The following NDUFAF2 variants were observed in gnomAD, a reference collection of about 807,000 sequenced individuals.
NDUFAF2 encodes NADH:ubiquinone oxidoreductase complex assembly factor 2.
In NDUFAF2, 13 loss-of-function variants were observed where a neutral mutation model predicts 22.8. The observed-to-expected ratio is 0.57, with a 90% CI of 0.37 to 0.91. The LOEUF (loss-of-function observed/expected upper bound fraction) is 0.91. Among genes scored for constraint, NDUFAF2 ranks in the 40% least tolerant of loss-of-function variants. The probability of loss-of-function intolerance (pLI) is 0.01; values close to 1 mark genes in which losing one functional copy is unlikely to be tolerated. For synonymous variants in NDUFAF2, 53 were observed against 64.2 expected (o/e 0.83, Z 0.84); for missense variants, 162 against 195.2 (o/e 0.83, Z 1.01).
At chr5:61,031,234 T>TATAC (rs1751722205) in intron 1 of NDUFAF2, among the ~76,000 whole-genome samples, 1 of 152,120 alleles carries the variant, frequency 6.6e-6, no homozygotes. Context: ...GTTACATAGG[T>TATAC]ATACACGTGC....
chr5:60,984,304 C>T (rs1260435822), intron 1 of NDUFAF2, among the ~76,000 whole-genome samples: 7 of 149,946 alleles, frequency 4.7e-5, no homozygotes, highest in South Asian at 2.1e-4. Context: ...TGAGCTGAGA[C>T]GATGGGGTTT....
intron 1 of NDUFAF2, among the ~76,000 whole-genome samples, chr5:61,013,147 A>G (rs1257297263): frequency 1.3e-5 from 2 of 152,122 alleles, no homozygotes; most frequent in Admixed American, 6.6e-5. Context: ...GCAAGCATTC[A>G]AAGAGAGAAG....
chr5:61,105,589 T>A lies in NDUFAF2; in HGVS notation c.258+6557T>A, dbSNP rs1460215057. ...AACTTAAGAATGAACTGGAGCTGTA[T>A]GTTTTAACATGGATAAATCTCAGAA... On this transcript the variant is annotated intron_variant, in intron 3 of 3. Transcript: ENST00000296597. 6.8e-5 allele frequency among the ~76,000 whole-genome samples: 10 copies of A among 146,974 alleles called. 1 individual carries two copies. The highest frequency in any genetic ancestry group is 2.6e-4 in the African/African-American group (10 of 38,804).
At chr5:61,091,967 C>T (rs1752574831) in intron 2 of NDUFAF2, among the ~76,000 whole-genome samples, 1 of 152,080 alleles carries the variant, frequency 6.6e-6, no homozygotes, top group African/African-American at 2.4e-5. Context: ...TTCCCCATTG[C>T]TTGTTTGTGT....
At chr5:60,966,192 T>C (rs1229841728) in intron 1 of NDUFAF2, among the ~76,000 whole-genome samples, 1 of 152,182 alleles carries the variant, frequency 6.6e-6, no homozygotes, top group Admixed American at 6.5e-5. Context: ...TCTTCTTAGA[T>C]CTTTTGCCCA....
At position 60,945,447 on chromosome 5, in the gene NDUFAF2, A is replaced by G. The variant is rs556685577; in HGVS notation, c.127+65A>G. The G allele has an allele frequency of 1.9e-6, 3 of 1,610,720 alleles. No individual in the cohort carries two copies. In the African/African-American group the frequency reaches 4.0e-5, roughly 21 times the overall value. ...TTGCGAGGTCAGTAAAGGAGGGAAA[A>G]GTGAGAGCCCCTAGTCAACTAACGC... On this transcript the variant is annotated intron_variant, in intron 1 of 3. Coordinates refer to ENST00000296597, the MANE Select transcript of NDUFAF2 (RefSeq NM_174889.5).
At chr5:61,134,313 G>T (rs761085684) in intron 3 of NDUFAF2, among the ~76,000 whole-genome samples, 61 of 152,132 alleles carry the variant, frequency 4.0e-4, no homozygotes, top group Non-Finnish European at 1.8e-4. Context: ...GAAGAGCAAG[G>T]ATGGAAGCTA....
intron 3 of NDUFAF2, among the ~76,000 whole-genome samples, chr5:61,129,097 T>C (rs1010256698): frequency 8.6e-5 from 13 of 152,006 alleles, no homozygotes; most frequent in African/African-American, 3.1e-4. Context: ...CACAGTGAGA[T>C]ATTATCACAC....
At chr5:61,078,959 A>G (rs895239076) in intron 2 of NDUFAF2, among the ~76,000 whole-genome samples, 8 of 152,194 alleles carry the variant, frequency 5.3e-5, no homozygotes, top group African/African-American at 1.9e-4. Flanking sequence ...GTTTTTGGTA[A>G]GTTTAAGCTT....
intron 1 of NDUFAF2, among the ~76,000 whole-genome samples, chr5:61,070,628 C>T (rs1752285352): frequency 6.6e-6 from 1 of 151,300 alleles, no homozygotes; most frequent in Non-Finnish European, 1.5e-5. Context: ...CACACACACA[C>T]GCACTCACAT....
At chr5:60,962,292 T>C (rs1213214730) in intron 1 of NDUFAF2, among the ~76,000 whole-genome samples, 1 of 151,854 alleles carries the variant, frequency 6.6e-6, no homozygotes, top group Non-Finnish European at 1.5e-5. Context: ...CAAAAGTGAC[T>C]TTTTTTGCAA....
intron 1 of NDUFAF2, among the ~76,000 whole-genome samples, chr5:61,035,755 T>C (rs1751792722): frequency 6.6e-6 from 1 of 152,104 alleles, no homozygotes; most frequent in African/African-American, 2.4e-5. Context: ...AAGAATGTTT[T>C]AGTTTTTTCC....
At chr5:61,074,533 G>T (rs747536103) in intron 2 of NDUFAF2, among the ~76,000 whole-genome samples, 1 of 152,048 alleles carries the variant, frequency 6.6e-6, no homozygotes, top group Non-Finnish European at 1.5e-5. Flanking sequence ...GTTGCAGTGA[G>T]CCAAGATCAC....
chr5:61,026,023 A>T (rs1751645004), intron 1 of NDUFAF2, among the ~76,000 whole-genome samples: 1 of 152,120 alleles, frequency 6.6e-6, no homozygotes, highest in Non-Finnish European at 1.5e-5. Context: ...TTTGAGCCTT[A>T]TGGGAAATAT....
chr5:61,025,919 T>G (rs1751643540), intron 1 of NDUFAF2, among the ~76,000 whole-genome samples: 1 of 152,072 alleles, frequency 6.6e-6, no homozygotes, highest in African/African-American at 2.4e-5. Flanking sequence ...TATAGAAAAT[T>G]TAATTGTTCA....
chr5:61,124,835 G>A (rs961465518), intron 3 of NDUFAF2, among the ~76,000 whole-genome samples: 11 of 151,998 alleles, frequency 7.2e-5, no homozygotes, highest in African/African-American at 2.7e-4. Context: ...AAGAACTACT[G>A]AGACTGGGTA....
chr5:61,005,573 A>T (rs1037591890), intron 1 of NDUFAF2, among the ~76,000 whole-genome samples: 3 of 152,124 alleles, frequency 2.0e-5, no homozygotes, highest in Non-Finnish European at 4.4e-5. Context: ...AAGCGTTCCT[A>T]TTTCTCCACA....
At chr5:61,140,414 A>G (rs1319962943) in intron 3 of NDUFAF2, among the ~76,000 whole-genome samples, 1 of 152,162 alleles carries the variant, frequency 6.6e-6, no homozygotes, top group African/African-American at 2.4e-5. Context: ...TCTAATTTCT[A>G]TAGTTGCCAG....
intron 1 of NDUFAF2, among the ~76,000 whole-genome samples, chr5:60,984,077 G>T (rs1311686018): frequency 6.6e-6 from 1 of 152,076 alleles, no homozygotes; most frequent in African/African-American, 2.4e-5. Flanking sequence ...TTATTTCATT[G>T]AGCAGTGGTT....
Sources: gnomAD v4.1 joint callset for allele counts (sites outside exome capture counted in the v4.1 genomes callset) on GRCh38, gnomAD v4.1.1 for gene constraint, MANE v1.5 for transcripts, NCBI Gene and HGNC (gene_info 2026-07-23, HGNC 2026-07-21) for gene names.